Variants in CDH3 observed in about 807,000 individuals in gnomAD.
The protein encoded by CDH3 is cadherin-3.
A neutral mutation model predicts 82.0 loss-of-function variants in CDH3; 54 were observed. The ratio of observed to expected loss-of-function variants is 0.66; its 90% CI spans 0.53 to 0.83. CDH3 has a LOEUF of 0.83. Among genes scored for constraint, CDH3 ranks in the 40% least tolerant of loss-of-function variants. The pLI, the probability that CDH3 is intolerant of heterozygous loss-of-function variation, is 0.00. For missense variants in CDH3, 1,054 were observed against 1,084.6 expected, an observed-to-expected ratio of 0.97 and a Z score of 0.40; for synonymous variants, 446 against 437.9, an observed-to-expected ratio of 1.02 and a Z score of -0.23.
At position 68,698,360 on chromosome 16, in the gene CDH3, A is replaced by C. The variant is rs750399126; in HGVS notation, c.2450A>C (p.Lys817Thr). The part of the protein sequence containing the change: ...DYLNEWGSRF[K>T]KLADMYGGGE... ...CTGAACGAGTGGGGCAGCCGCTTCA[A>C]GAAGCTGGCAGACATGTACGGTGGC... Residue 817 changes from lysine to threonine, a missense_variant, in exon 16 of 16, where the codon AAG (lysine) becomes ACG (threonine). Lys to Thr is a moderately conservative substitution (Grantham distance 78, BLOSUM62 -1). Coordinates refer to ENST00000264012, the MANE Select transcript of CDH3 (RefSeq NM_001793.6). 1 of 1,614,236 alleles carries C rather than the reference A, an allele frequency of 6.2e-7. No individual in the cohort carries two copies. The highest frequency in any genetic ancestry group is 1.1e-5 in the South Asian group (1 of 91,090).
Position 68,699,484 on chromosome 16 carries a change from A to ATT in CDH3, c.*1100_*1101dup, listed in dbSNP as rs34099768. On this transcript the variant is annotated 3_prime_UTR_variant, in exon 16 of 16. Transcript: ENST00000264012. Reference sequence around the variant, plus strand: ...AGCCAGCTCTGCTACTTGCTAGCACATTTTTTTTTTTTTTTTTGAGACGGA... The same window carrying ATT: ...AGCCAGCTCTGCTACTTGCTAGCACATTTTTTTTTTTTTTTTTTTGAGACGGA... The ATT allele has an allele frequency of 2.1e-3, 293 of 140,038 alleles. 1 individual carries two copies. The highest frequency in any genetic ancestry group is 7.6e-3 in the Middle Eastern group (2 of 264). The allele number at this position is 140,038 out of a possible 1,614,324, so 8.7% of individuals were successfully genotyped here.
downstream of CDH3, among the ~76,000 whole-genome samples, chr16:68,701,825 A>G (rs1961900463): frequency 1.3e-5 from 2 of 151,434 alleles, no homozygotes; most frequent in African/African-American, 4.8e-5. Context: ...GGAGTTCGAG[A>G]CCAGCCTGGC....
intron 2 of CDH3, among the ~76,000 whole-genome samples, chr16:68,673,008 G>A (rs1960927761): frequency 1.3e-5 from 2 of 152,120 alleles, no homozygotes; most frequent in African/African-American, 2.4e-5. Context: ...CTGTCCTTGT[G>A]CTTCATTCAC....
downstream of CDH3, among the ~76,000 whole-genome samples, chr16:68,703,480 A>G (rs12934764): frequency 0.86 from 130,323 of 152,214 alleles, 55,961 homozygotes; most frequent in Non-Finnish European, 0.89. Flanking sequence ...TCCAGTTCGA[A>G]GCTTGCTGGA....
At chr16:68,682,508 G>C (rs928902731) in intron 9 of CDH3, 21 bp downstream of exon 9, 9 of 1,612,418 alleles carry the variant, frequency 5.6e-6, no homozygotes, top group Non-Finnish European at 7.6e-6. Flanking sequence ...TCGGGCCTCA[G>C]ACAATGGCTA....
chr16:68,691,832 TG>T lies in CDH3; in HGVS notation c.1909del (p.Val637CysfsTer41), dbSNP rs770103806. 1.9e-6 allele frequency: 3 copies of T among 1,614,146 alleles called. No individual in the cohort carries two copies. The highest frequency in any genetic ancestry group is 1.7e-6 in the Non-Finnish European group (2 of 1,180,012). On this transcript the variant is annotated frameshift_variant, in exon 13 of 16. Coordinates refer to ENST00000264012, the MANE Select transcript of CDH3 (RefSeq NM_001793.6). LOFTEE classifies it high-confidence loss of function. ...AGCAGCTGACGGTGATCAGGGCCAC[TG>T]TGTGCGACTGCCATGGCCATGTCGA... The part of the protein sequence containing the change: ...KEQLTVIRAT[V>X]CDCHGHVETC...
intron 11 of CDH3, among the ~76,000 whole-genome samples, chr16:68,687,078 C>T (rs1961431898): frequency 6.6e-6 from 1 of 152,190 alleles, no homozygotes; most frequent in South Asian, 2.1e-4. Context: ...TAGGGGCTGA[C>T]TGGAAAGTGC....
At chr16:68,701,436 A>G (rs944621360), downstream of CDH3, among the ~76,000 whole-genome samples, 1 of 152,172 alleles carries the variant, frequency 6.6e-6, no homozygotes, top group African/African-American at 2.4e-5. Flanking sequence ...CTAACCAGAA[A>G]CAACTGATGT....
chr16:68,662,767 C>G (rs911771195), intron 2 of CDH3, among the ~76,000 whole-genome samples: 1 of 151,316 alleles, frequency 6.6e-6, no homozygotes, highest in Non-Finnish European at 1.5e-5. Context: ...AGGATGGTCT[C>G]GATCTCCTGA....
In CDH3 at chr16:68,687,744, A is replaced by G; in HGVS notation, c.1795+8A>G. 4 of 1,606,800 alleles carry G rather than the reference A, an allele frequency of 2.5e-6. No individual in the cohort carries two copies. Among genetic ancestry groups the G allele is most frequent in the Non-Finnish European group, 3.4e-6 (4 of 1,173,654 alleles). On this transcript the variant is annotated splice_region_variant and intron_variant, in intron 12 of 15. Transcript: ENST00000264012. Reference sequence around the variant, plus strand: ...CAGAGGTCAACGAGGAAGGTACCTGAGTGAGTGGTGGTAGCGGGTGGGGTG... The same window carrying G: ...CAGAGGTCAACGAGGAAGGTACCTGGGTGAGTGGTGGTAGCGGGTGGGGTG...
intron 2 of CDH3, chr16:68,651,522 C>G: frequency 2.2e-6 from 1 of 453,404 alleles, no homozygotes; most frequent in Non-Finnish European, 4.4e-6. Flanking sequence ...CTTTGAGTAC[C>G]TGACACTGAT....
At chr16:68,647,762 T>TGACCAC (rs1597786806) in intron 2 of CDH3, among the ~76,000 whole-genome samples, 1 of 152,272 alleles carries the variant, frequency 6.6e-6, no homozygotes, top group East Asian at 1.9e-4. Flanking sequence ...GCTGGCACTT[T>TGACCAC]GACCACCCCA....
At chr16:68,659,593 A>AG (rs1960504035) in intron 2 of CDH3, among the ~76,000 whole-genome samples, 1 of 149,888 alleles carries the variant, frequency 6.7e-6, no homozygotes, top group East Asian at 1.9e-4. Flanking sequence ...AAAAAAAAAA[A>AG]GGATCTTTTG....
At chr16:68,674,381 TTTG>T (rs1371366555) in intron 2 of CDH3, among the ~76,000 whole-genome samples, 3 of 152,094 alleles carry the variant, frequency 2.0e-5, no homozygotes, top group African/African-American at 7.2e-5. Flanking sequence ...AAAATTGGGT[TTTG>T]TTGTTGTTGA....
intron 8 of CDH3, 42 bp downstream of exon 8, chr16:68,681,138 G>C: frequency 6.2e-7 from 1 of 1,612,070 alleles, no homozygotes; most frequent in Middle Eastern, 1.7e-4. Flanking sequence ...AGATAATGAA[G>C]GACCAAAGTT....
chr16:68,696,786 A>G (rs1402097219), intron 15 of CDH3: 2 of 152,572 alleles, frequency 1.3e-5, no homozygotes, highest in East Asian at 1.9e-4. Context: ...TATGAGGCAC[A>G]TATGGCCTTG....
At position 68,715,510 on chromosome 16, in the gene CDH3, G is replaced by C. The variant is rs184999243; in HGVS notation, c.100-6915G>C. On this transcript the variant is annotated intron_variant, in intron 1 of 2. Coordinates refer to the CDH3 transcript ENST00000569080. ...ACTGAGTGAGAGGAACTGGGGCGAT[G>C]TTCAAGTAGCCCGGGCACACCCTGG... Among the ~76,000 whole-genome samples the C allele has an allele frequency of 5.9e-5, 9 of 152,172 alleles. No homozygotes were observed. In the East Asian group the frequency reaches 1.7e-3, roughly 29 times the overall value.
chr16:68,694,312 C>CA (rs1162877121), intron 13 of CDH3, among the ~76,000 whole-genome samples: 1,409 of 74,542 alleles, frequency 0.019, 32 homozygotes, highest in African/African-American at 0.063. Flanking sequence ...GACTCCCTCT[C>CA]AAAAAAAAAA....
At chr16:68,691,539 A>G (rs942241602) in intron 12 of CDH3, among the ~76,000 whole-genome samples, 181 bp from the exon 13 acceptor site, 4 of 152,130 alleles carry the variant, frequency 2.6e-5, no homozygotes, top group Admixed American at 1.3e-4. Context: ...AATCCTTTTC[A>G]TTATGGTGAA....
Sources: allele counts gnomAD v4.1 joint callset (sites outside exome capture counted in the v4.1 genomes callset), GRCh38; gene constraint gnomAD v4.1.1; transcripts MANE v1.5; gene names NCBI Gene and HGNC (gene_info 2026-07-23, HGNC 2026-07-21).